Variants in CA10 observed in about 807,000 individuals in gnomAD.
CA10 encodes carbonic anhydrase 10 (inactive), also known as carbonic anhydrase-related protein 10.
CA10 carries 14 observed loss-of-function variants against 44.2 expected under a neutral mutation model. The observed-to-expected ratio is 0.32, with a 90% CI of 0.21 to 0.50. The LOEUF is 0.50. Ranked by LOEUF, CA10 falls within the 20% of genes least tolerant of loss-of-function variation. The pLI, the probability that CA10 is intolerant of heterozygous loss-of-function variation, is 0.99. For synonymous variants in CA10, 159 were observed against 141.6 expected (o/e 1.12, Z -0.87); for missense variants, 350 against 409.7 (o/e 0.85, Z 1.26).
At chr17:52,157,535 C>CCA in intron 1 of CA10, among the ~76,000 whole-genome samples, 191 bp downstream of exon 1, 1 of 145,744 alleles carries the variant, frequency 6.9e-6, no homozygotes, top group East Asian at 2.1e-4. Flanking sequence ...AACCACCCCC[C>CCA]CCCGCAAAAC....
At chr17:52,024,585 A>G (rs1986242664) in intron 2 of CA10, among the ~76,000 whole-genome samples, 1 of 152,032 alleles carries the variant, frequency 6.6e-6, no homozygotes, top group Non-Finnish European at 1.5e-5. Context: ...TGAAGGAAGT[A>G]GCAGCGTGGC....
At chr17:51,807,944 A>G (rs1427925428) in intron 3 of CA10, among the ~76,000 whole-genome samples, 1 of 152,236 alleles carries the variant, frequency 6.6e-6, no homozygotes, top group Non-Finnish European at 1.5e-5. Context: ...CAACATGGAT[A>G]AAAATCTGCC....
At chr17:51,664,193 T>A (rs1479052276) in intron 4 of CA10, among the ~76,000 whole-genome samples, 1 of 152,338 alleles carries the variant, frequency 6.6e-6, no homozygotes. Context: ...GAATTATTTT[T>A]GGTCATCTCC....
In CA10 at chr17:52,091,861, C is replaced by T. The variant is rs572941503; in HGVS notation, c.62-19468G>A. Among the ~76,000 whole-genome samples, 132 of 152,242 alleles carry T rather than the reference C, an allele frequency of 8.7e-4. 1 individual carries two copies. The highest frequency in any genetic ancestry group is 2.9e-3 in the African/African-American group (120 of 41,560). ...TTCCTAAGAGGGCTGCACAATGAAACGAATGTGCCCTGGAAAGACCTGCTT... is the reference window on the plus strand; with the variant it reads ...TTCCTAAGAGGGCTGCACAATGAAATGAATGTGCCCTGGAAAGACCTGCTT... On this transcript the variant is annotated intron_variant, in intron 1 of 8. Coordinates refer to ENST00000451037, the MANE Select transcript of CA10 (RefSeq NM_020178.5).
At chr17:52,006,583 T>C (rs1045542723) in intron 2 of CA10, among the ~76,000 whole-genome samples, 4 of 151,628 alleles carry the variant, frequency 2.6e-5, no homozygotes, top group African/African-American at 9.7e-5. Flanking sequence ...CTGATTGTTG[T>C]TTGTATATTT....
chr17:51,858,534 TAAAAGTTG>T lies in CA10; in HGVS notation c.279+72448_279+72455del, dbSNP rs1979155274. ...TTATACACACTCCAAAAGGGGTATA[TAAAAGTTG>T]TTTACAAGGGCAAAGCCGTAGTTCT... On this transcript the variant is annotated intron_variant, in intron 3 of 8. Coordinates refer to ENST00000451037, the MANE Select transcript of CA10 (RefSeq NM_020178.5). 2.0e-5 allele frequency among the ~76,000 whole-genome samples: 3 copies of T among 152,320 alleles called. No individual in the cohort carries two copies. The South Asian group carries it at 6.2e-4, about 32-fold the overall frequency.
chr17:51,687,915 T>C (rs1915059533), intron 4 of CA10, among the ~76,000 whole-genome samples: 1 of 152,200 alleles, frequency 6.6e-6, no homozygotes, highest in Non-Finnish European at 1.5e-5. Context: ...ATATTCATGC[T>C]CCTGTGTGGT....
chr17:51,928,776 T>A (rs2143988906), intron 3 of CA10, among the ~76,000 whole-genome samples: 1 of 152,326 alleles, frequency 6.6e-6, no homozygotes, highest in East Asian at 1.9e-4. Context: ...ATTTGAATTC[T>A]CACTTTCAAA....
intron 2 of CA10, among the ~76,000 whole-genome samples, chr17:52,007,880 G>C (rs2144129854): frequency 6.6e-6 from 1 of 151,336 alleles, no homozygotes; most frequent in East Asian, 2.0e-4. Flanking sequence ...AATAGCTACT[G>C]GTTCGTTTTG....
In CA10 at chr17:51,893,671, G is replaced by A. The variant is rs73989462; in HGVS notation, c.279+37319C>T. On this transcript the variant is annotated intron_variant, in intron 3 of 8. Coordinates refer to ENST00000451037, the MANE Select transcript of CA10 (RefSeq NM_020178.5). Reference sequence around the variant, plus strand: ...ACTAAAGTGCAAAATTGAATTGTACGAACAATAGACACCATGAAGAATTAA... The same window carrying A: ...ACTAAAGTGCAAAATTGAATTGTACAAACAATAGACACCATGAAGAATTAA... 6.9e-3 allele frequency among the ~76,000 whole-genome samples: 1,052 copies of A among 152,106 alleles called. 15 individuals are homozygous for A. The highest frequency in any genetic ancestry group is 0.023 in the African/African-American group (973 of 41,476).
rs141445641 is a variant in CA10, at chr17:51,930,743, G to T, written c.279+247C>A. Among the ~76,000 whole-genome samples the T allele has an allele frequency of 1.2e-4, 19 of 152,202 alleles. No individual in the cohort carries two copies. The East Asian group carries it at 2.5e-3, about 20-fold the overall frequency. On this transcript the variant is annotated intron_variant, in intron 3 of 8. Transcript: ENST00000451037. ...TTCTGTCCTTTATGGGGGTACCAAG[G>T]TTGTCTGATAAGACTTCAGGCAACC...
chr17:51,745,404 T>C (rs1048144959), intron 4 of CA10, among the ~76,000 whole-genome samples: 7 of 152,208 alleles, frequency 4.6e-5, no homozygotes, highest in African/African-American at 1.4e-4. Flanking sequence ...GCAACCCTGC[T>C]TACATGCTTT....
At position 51,802,405 on chromosome 17, in the gene CA10, C is replaced by T. The variant is rs147391016; in HGVS notation, c.280-54587G>A. 1.6e-4 allele frequency among the ~76,000 whole-genome samples: 24 copies of T among 152,138 alleles called. No homozygotes were observed. In the East Asian group the frequency reaches 4.7e-3, roughly 30 times the overall value. ...CACTCTCCAAAAAGGCTTTGTCTAA[C>T]TCATGTGATCTTCATAAATGCCTGG... On this transcript the variant is annotated intron_variant, in intron 3 of 8. Transcript: ENST00000451037.
At chr17:51,915,408 G>A (rs902099598) in intron 3 of CA10, among the ~76,000 whole-genome samples, 2 of 152,120 alleles carry the variant, frequency 1.3e-5, no homozygotes, top group Non-Finnish European at 2.9e-5. Context: ...GATTGATTCC[G>A]ATCTATTAAA....
intron 6 of CA10, among the ~76,000 whole-genome samples, chr17:51,648,147 C>A (rs1432457983): frequency 6.6e-5 from 10 of 152,206 alleles, no homozygotes; most frequent in African/African-American, 2.2e-4. Flanking sequence ...TCTCCCTTGG[C>A]AGTCCAATGT....
intron 3 of CA10, among the ~76,000 whole-genome samples, chr17:51,926,646 C>A (rs896036465): frequency 6.6e-6 from 1 of 152,150 alleles, no homozygotes; most frequent in Non-Finnish European, 1.5e-5. Flanking sequence ...TGGCTCATGG[C>A]CCTGTGTCAC....
At chr17:52,014,050 AC>A (rs1377217770) in intron 2 of CA10, among the ~76,000 whole-genome samples, 3 of 152,016 alleles carry the variant, frequency 2.0e-5, no homozygotes, top group Non-Finnish European at 2.9e-5. Context: ...TGGAAGTATG[AC>A]CAAATATACC....
At chr17:51,770,553 C>G (rs528758100) in intron 3 of CA10, among the ~76,000 whole-genome samples, 1 of 152,202 alleles carries the variant, frequency 6.6e-6, no homozygotes, top group East Asian at 1.9e-4. Context: ...ACTGAGTCAT[C>G]ACAGTAATCC....
chr17:51,905,399 G>A lies in CA10; in HGVS notation c.279+25591C>T, dbSNP rs76525990. Reference sequence around the variant, plus strand: ...AAGCTCTTGACTGTTGGTTAAGTTGGGCACACTTCTTTTCTCCTGTTGGCA... The same window carrying A: ...AAGCTCTTGACTGTTGGTTAAGTTGAGCACACTTCTTTTCTCCTGTTGGCA... On this transcript the variant is annotated intron_variant, in intron 3 of 8. Coordinates refer to ENST00000451037, the MANE Select transcript of CA10 (RefSeq NM_020178.5). 3.3e-3 allele frequency among the ~76,000 whole-genome samples: 502 copies of A among 152,130 alleles called. 3 individuals carry two copies. Among genetic ancestry groups the A allele is most frequent in the African/African-American group, 0.012 (491 of 41,516 alleles).
Sources: allele counts gnomAD v4.1 joint callset (sites outside exome capture counted in the v4.1 genomes callset), GRCh38; gene constraint gnomAD v4.1.1; transcripts MANE v1.5; gene names NCBI Gene and HGNC (gene_info 2026-07-23, HGNC 2026-07-21).